EPHA3: variants seen among roughly 807,000 people sequenced by gnomAD.
EPHA3 encodes the protein ephrin type-A receptor 3.
EPHA3 carries 42 observed loss-of-function variants against 107.1 expected under a neutral mutation model. That is an observed-to-expected ratio of 0.39 (90% CI 0.31 to 0.51). EPHA3 has a LOEUF of 0.51. EPHA3 is among the 20% of genes least tolerant of loss of function. The probability of loss-of-function intolerance (pLI) is 0.78; values close to 1 mark genes in which losing one functional copy is unlikely to be tolerated. For synonymous variants in EPHA3, 461 were observed against 424.8 expected (o/e 1.09, Z -1.05); for missense variants, 1,183 against 1,211.2 (o/e 0.98, Z 0.35).
chr3:89,265,774 T>G (rs1705524463), intron 3 of EPHA3, among the ~76,000 whole-genome samples: 1 of 152,150 alleles, frequency 6.6e-6, no homozygotes, highest in African/African-American at 2.4e-5. Context: ...TAGTACATTC[T>G]CGGTAACTGT....
chr3:89,475,166 A>G (rs1179612141), intron 16 of EPHA3, among the ~76,000 whole-genome samples: 3 of 152,218 alleles, frequency 2.0e-5, no homozygotes, highest in Non-Finnish European at 4.4e-5. Context: ...AGTCTTTAAC[A>G]TACTAATAAT....
intron 3 of EPHA3, among the ~76,000 whole-genome samples, chr3:89,306,418 A>C (rs886501215): frequency 6.6e-6 from 1 of 152,302 alleles, no homozygotes; most frequent in Non-Finnish European, 1.5e-5. Flanking sequence ...AAAGCATTAG[A>C]TGATGCTATG....
rs974371292 is a variant in EPHA3 at position 89,340,840 on chromosome 3, A to C, written c.815-76A>C. The C allele has an allele frequency of 8.8e-6, 12 of 1,355,992 alleles. No individual in the cohort carries two copies. The Admixed American group carries it at 3.0e-4, about 34-fold the overall frequency. 84.0% of individuals were successfully genotyped at this position (1,355,992 alleles called of 1,614,324 possible). A position where few individuals can be genotyped will look rare whatever the true frequency, so the allele number is the denominator to read the frequency against. On this transcript the variant is annotated intron_variant, in intron 3 of 16. Coordinates refer to ENST00000336596, the MANE Select transcript of EPHA3 (RefSeq NM_005233.6). ...TTTATTTATAATAAATTCATATTCG[A>C]ACTTACTTAAATCTGTTTTACATAT...
chr3:89,441,447 A>AAGTAAT (rs1416942834), intron 13 of EPHA3, among the ~76,000 whole-genome samples: 1 of 152,248 alleles, frequency 6.6e-6, no homozygotes, highest in Non-Finnish European at 1.5e-5. Context: ...ACATTAGGAT[A>AAGTAAT]TAGAGACCAG....
chr3:89,256,078 C>T (rs1234675192), intron 3 of EPHA3, among the ~76,000 whole-genome samples: 1 of 151,432 alleles, frequency 6.6e-6, no homozygotes, highest in Non-Finnish European at 1.5e-5. Context: ...GGTGAAACCA[C>T]TTCTCTATTT....
At chr3:89,183,104 T>C (rs1705482216) in intron 2 of EPHA3, among the ~76,000 whole-genome samples, 1 of 151,906 alleles carries the variant, frequency 6.6e-6, no homozygotes, top group Non-Finnish European at 1.5e-5. Flanking sequence ...TTTAAAAACA[T>C]CCAAAACTTT....
In EPHA3 at chr3:89,453,715, T is replaced by C. The variant is rs567081898; in HGVS notation, c.2690+3345T>C. ...AAATTTGCTTTCCTACTTTTGACAATGATTATTTCATCCTTTTCATAACTG... is the reference window on the plus strand; with the variant it reads ...AAATTTGCTTTCCTACTTTTGACAACGATTATTTCATCCTTTTCATAACTG... On this transcript the variant is annotated intron_variant, in intron 15 of 16. Coordinates refer to ENST00000336596, the MANE Select transcript of EPHA3 (RefSeq NM_005233.6). Among the ~76,000 whole-genome samples, 8 of 152,312 alleles carry C rather than the reference T, an allele frequency of 5.3e-5. No individual in the cohort carries two copies. The East Asian group carries it at 1.3e-3, about 26-fold the overall frequency.
intron 2 of EPHA3, among the ~76,000 whole-genome samples, chr3:89,203,925 T>C (rs1392612272): frequency 6.6e-6 from 1 of 152,136 alleles, no homozygotes; most frequent in Non-Finnish European, 1.5e-5. Context: ...CAGACATCTA[T>C]GAGCCCAGCT....
At chr3:89,259,441 C>T (rs531092052) in intron 3 of EPHA3, among the ~76,000 whole-genome samples, 5 of 152,204 alleles carry the variant, frequency 3.3e-5, no homozygotes, top group South Asian at 2.1e-4. Flanking sequence ...ACATGCTAGG[C>T]GTTCACTAAA....
intron 2 of EPHA3, among the ~76,000 whole-genome samples, chr3:89,176,831 T>G (rs1705329962): frequency 6.6e-6 from 1 of 152,130 alleles, no homozygotes; most frequent in African/African-American, 2.4e-5. Context: ...TTGAAGAAAA[T>G]AAAATTTTCA....
intron 15 of EPHA3, among the ~76,000 whole-genome samples, chr3:89,460,714 C>A (rs1345973555): frequency 2.0e-5 from 3 of 147,310 alleles, no homozygotes; most frequent in South Asian, 2.1e-4. Flanking sequence ...ATGACTTTGA[C>A]CTCAAATTCT....
chr3:89,291,516 G>T (rs755950167), intron 3 of EPHA3, among the ~76,000 whole-genome samples: 1 of 152,058 alleles, frequency 6.6e-6, no homozygotes. Context: ...AGAATTAATG[G>T]TTGGTTTAGG....
intron 5 of EPHA3, among the ~76,000 whole-genome samples, chr3:89,390,785 A>ACTTTTT (rs777460537): frequency 6.8e-5 from 9 of 132,136 alleles, no homozygotes; most frequent in African/African-American, 2.5e-4. Context: ...ATTGAAAAGC[A>ACTTTTT]TTTTTTTTTT....
intron 3 of EPHA3, among the ~76,000 whole-genome samples, chr3:89,229,749 T>C (rs1408304976): frequency 6.6e-6 from 1 of 151,896 alleles, no homozygotes; most frequent in Non-Finnish European, 1.5e-5. Context: ...AGCATAATAT[T>C]TTAAATGGCG....
At chr3:89,141,367 A>T (rs1041632825) in intron 2 of EPHA3, among the ~76,000 whole-genome samples, 1 of 151,590 alleles carries the variant, frequency 6.6e-6, no homozygotes, top group African/African-American at 2.4e-5. Flanking sequence ...GAAAGGAGGT[A>T]ATAGATGCCA....
intron 3 of EPHA3, among the ~76,000 whole-genome samples, chr3:89,309,671 A>G (rs1215077422): frequency 6.6e-6 from 1 of 152,118 alleles, no homozygotes. Context: ...ATTCTAATTC[A>G]TTTATTTGAT....
chr3:89,352,447 G>T (rs376592939), intron 5 of EPHA3, among the ~76,000 whole-genome samples: 1 of 150,968 alleles, frequency 6.6e-6, no homozygotes, highest in Admixed American at 6.6e-5. Flanking sequence ...TATAAAAAAC[G>T]TTTATAGGCT....
intron 3 of EPHA3, among the ~76,000 whole-genome samples, chr3:89,277,344 G>C (rs1705830557): frequency 6.6e-6 from 1 of 152,012 alleles, no homozygotes; most frequent in South Asian, 2.1e-4. Flanking sequence ...TTAAGCTCTT[G>C]AATATATTTC....
chr3:89,168,097 C>G (rs1352707451), intron 2 of EPHA3, among the ~76,000 whole-genome samples: 7 of 152,156 alleles, frequency 4.6e-5, no homozygotes, highest in Admixed American at 6.5e-5. Flanking sequence ...GCAATTAACA[C>G]AGATCACAGT....
Sources: allele counts gnomAD v4.1 joint callset (sites outside exome capture counted in the v4.1 genomes callset), GRCh38; gene constraint gnomAD v4.1.1; transcripts MANE v1.5; gene names NCBI Gene and HGNC (gene_info 2026-07-23, HGNC 2026-07-21).